The following GET4 variants were observed in gnomAD, a reference collection of about 807,000 sequenced individuals.
GET4 encodes the protein guided entry of tail-anchored proteins factor 4, also known as Golgi to ER traffic protein 4 homolog.
Under a neutral mutation model 40.0 loss-of-function variants are expected in GET4, and 20 were observed. The observed-to-expected ratio is 0.50, with a 90% CI of 0.35 to 0.73. The LOEUF is 0.73. Ranked by LOEUF, GET4 falls within the 30% of genes least tolerant of loss-of-function variation. The pLI, the probability that GET4 is intolerant of heterozygous loss-of-function variation, is 0.01. For synonymous variants in GET4, 280 were observed against 194.6 expected, an observed-to-expected ratio of 1.44 and a Z score of -3.65; for missense variants, 557 against 454.0, an observed-to-expected ratio of 1.23 and a Z score of -2.06.
At chr7:877,045 G>A (rs1047061333) in intron 1 of GET4, among the ~76,000 whole-genome samples, 2 of 149,074 alleles carry the variant, frequency 1.3e-5, no homozygotes, top group African/African-American at 5.1e-5. Flanking sequence ...CCCCTCTCCT[G>A]CGTTCCTCCT....
At chr7:883,411 C>T (rs1844125422) in intron 1 of GET4, 1 of 666,312 alleles carries the variant, frequency 1.5e-6, no homozygotes, top group Non-Finnish European at 1.9e-6. Flanking sequence ...GGTCTTTCTT[C>T]ATTTGACACC....
chr7:879,515 G>A (rs971449566), intron 1 of GET4, among the ~76,000 whole-genome samples: 1 of 152,182 alleles, frequency 6.6e-6, no homozygotes, highest in African/African-American at 2.4e-5. Flanking sequence ...TGAGCAGCCC[G>A]GGCTCAGGAC....
Position 892,263 on chromosome 7 carries a change from T to C in GET4, c.606-15T>C. 1.3e-6 allele frequency: 2 copies of C among 1,584,654 alleles called. No individual in the cohort carries two copies. The highest frequency in any genetic ancestry group is 1.7e-6 in the Non-Finnish European group (2 of 1,155,376). On this transcript the variant is annotated splice_polypyrimidine_tract_variant and intron_variant, in intron 5 of 8. Transcript: ENST00000265857. The stretch of plus-strand genomic sequence containing the variant: ...TCCTCCAGCCCTTCCACCACCAGCA[T>C]GTTCTCATTTCCAGGTTTCTCTGTT...
intron 1 of GET4, chr7:884,254 C>T (rs1844143638): frequency 7.7e-7 from 1 of 1,304,156 alleles, no homozygotes. Context: ...CCAGGCGTGT[C>T]TGGGAGCTTG....
chr7:894,674 C>A (rs1364086366), intron 8 of GET4, among the ~76,000 whole-genome samples: 1 of 152,222 alleles, frequency 6.6e-6, no homozygotes, highest in Non-Finnish European at 1.5e-5. Flanking sequence ...GCTCCCGTTC[C>A]ACAGAAGCGC....
At chr7:893,569 C>T (rs1211150610) in intron 6 of GET4, among the ~76,000 whole-genome samples, 171 bp from the exon 7 acceptor site, 2 of 108,266 alleles carry the variant, frequency 1.8e-5, no homozygotes, top group African/African-American at 3.8e-5. Flanking sequence ...TGGGCGTAGG[C>T]GTGGTGGTTG....
intron 4 of GET4, among the ~76,000 whole-genome samples, chr7:889,144 T>G (rs1386474205): frequency 2.0e-5 from 3 of 152,240 alleles, no homozygotes; most frequent in East Asian, 1.9e-4. Context: ...AGGGAGTGCA[T>G]GGGAGGGCTG....
chr7:887,750 G>A lies in GET4; in HGVS notation c.466+231G>A, dbSNP rs550319498. 2.2e-4 allele frequency among the ~76,000 whole-genome samples: 33 copies of A among 152,328 alleles called. No individual in the cohort carries two copies. The South Asian group carries it at 3.1e-3, about 14-fold the overall frequency. On this transcript the variant is annotated intron_variant, in intron 4 of 8. Transcript: ENST00000265857. ...GGCGGCCGCCTCTCCAGGCCTTCCC[G>A]TGGGACGTTCTGACCCTCAGGGAGG...
chr7:887,163 C>CG (rs1380701745), intron 3 of GET4: 2 of 725,232 alleles, frequency 2.8e-6, no homozygotes, highest in East Asian at 5.3e-5. Context: ...GGCGTCCGTC[C>CG]TTCCTTCCTC....
Position 895,690 on chromosome 7 carries a change from C to T in GET4, c.*268C>T, listed in dbSNP as rs963522045. 4 of 282,234 alleles carry T rather than the reference C, an allele frequency of 1.4e-5. No individual in the cohort carries two copies. The highest frequency in any genetic ancestry group is 2.7e-5 in the Non-Finnish European group (4 of 149,658). 17.5% of individuals were successfully genotyped at this position (282,234 alleles called of 1,614,324 possible). A position where few individuals can be genotyped will look rare whatever the true frequency, so the allele number is the denominator to read the frequency against. ...CAATAAAGCACAGGCCTTACCGCGG[C>T]GTCACCCTCTCCCACTCCTTTGTTC... On this transcript the variant is annotated 3_prime_UTR_variant, in exon 9 of 9. Coordinates refer to ENST00000265857, the MANE Select transcript of GET4 (RefSeq NM_015949.3).
chr7:887,643 G>A lies in GET4; in HGVS notation c.466+124G>A, dbSNP rs113921400. The stretch of plus-strand genomic sequence containing the variant: ...ATGGGGTTTCACCCTGTGGTCACGC[G>A]GGCCGGTCCATGGAGACCCATGCGC... On this transcript the variant is annotated intron_variant, in intron 4 of 8. Coordinates refer to ENST00000265857, the MANE Select transcript of GET4 (RefSeq NM_015949.3). The A allele has an allele frequency of 9.5e-4, 686 of 721,512 alleles. 6 individuals are homozygous for A. In the African/African-American group the frequency reaches 0.01, roughly 11 times the overall value. 44.7% of individuals were successfully genotyped at this position (721,512 alleles called of 1,614,324 possible). A position where few individuals can be genotyped will look rare whatever the true frequency, so the allele number is the denominator to read the frequency against.
chr7:890,866 C>A, intron 4 of GET4, 62 bp from the exon 5 acceptor site: 1 of 1,312,772 alleles, frequency 7.6e-7, no homozygotes, highest in Non-Finnish European at 1.1e-6. Context: ...TGTCTTTCCC[C>A]CTTTCCTTTT....
chr7:878,297 A>T (rs971526378), intron 1 of GET4: 6 of 471,138 alleles, frequency 1.3e-5, no homozygotes, highest in Admixed American at 7.0e-5. Flanking sequence ...TTTTGCTGTC[A>T]TACAGTTACT....
chr7:882,889 G>C (rs1202551013), intron 1 of GET4: 1 of 151,628 alleles, frequency 6.6e-6, no homozygotes, highest in Non-Finnish European at 1.5e-5. Flanking sequence ...CCAGGAGGCT[G>C]TGACCTGCAG....
chr7:891,111 TGGCTG>T (rs766217461), intron 5 of GET4, 45 bp downstream of exon 5: 1 of 1,513,292 alleles, frequency 6.6e-7, no homozygotes, highest in Non-Finnish European at 9.0e-7. Flanking sequence ...ATTGCTGCCT[TGGCTG>T]GGCAGCCTTA....
At chr7:877,544 C>G (rs1418537631) in intron 1 of GET4, among the ~76,000 whole-genome samples, 1 of 115,386 alleles carries the variant, frequency 8.7e-6, no homozygotes. Context: ...CCGGCTCTCT[C>G]CCCAGCCTAC....
At chr7:891,868 CTGAGCCCTCCCTG>C (rs1844330413) in intron 5 of GET4, among the ~76,000 whole-genome samples, 1 of 152,268 alleles carries the variant, frequency 6.6e-6, no homozygotes, top group Non-Finnish European at 1.5e-5. Context: ...CCCTGGGGCA[CTGAGCCCTCCCTG>C]TGGGTCCTCG....
chr7:895,230 C>T, intron 8 of GET4, 104 bp from the exon 9 acceptor site: 3 of 636,014 alleles, frequency 4.7e-6, no homozygotes, highest in African/African-American at 1.8e-5. Flanking sequence ...TTTGCTTGTT[C>T]CATGGGACAC....
chr7:888,835 G>A (rs1179974801), intron 4 of GET4, among the ~76,000 whole-genome samples: 1 of 152,244 alleles, frequency 6.6e-6, no homozygotes, highest in Non-Finnish European at 1.5e-5. Context: ...GCCACTCTGC[G>A]TGGGCCCCAC....
Sources: allele counts gnomAD v4.1 joint callset (sites outside exome capture counted in the v4.1 genomes callset), GRCh38; gene constraint gnomAD v4.1.1; transcripts MANE v1.5; gene names NCBI Gene and HGNC (gene_info 2026-07-23, HGNC 2026-07-21).